DYNC2H1: variants seen among roughly 807,000 people sequenced by gnomAD.
DYNC2H1 encodes the protein dynein cytoplasmic 2 heavy chain 1.
In DYNC2H1, 410 loss-of-function variants were observed where a neutral mutation model predicts 570.0. The observed-to-expected ratio is 0.72, with a 90% CI of 0.66 to 0.78. The LOEUF is 0.78. Ranked by LOEUF, DYNC2H1 falls within the 30% of genes least tolerant of loss-of-function variation. The probability of loss-of-function intolerance (pLI) is 0.00; values close to 1 mark genes in which losing one functional copy is unlikely to be tolerated. For missense variants in DYNC2H1, 4,865 were observed against 5,046.4 expected (o/e 0.96, Z 1.09); for synonymous variants, 1,688 against 1,677.6 (o/e 1.01, Z -0.15).
rs761719165 is a variant in DYNC2H1 at position 103,222,994 on chromosome 11, A to C, written c.9261A>C (p.Ala3087=). 2 of 1,613,456 alleles carry C rather than the reference A, an allele frequency of 1.2e-6. No homozygotes were observed. The highest frequency in any genetic ancestry group is 1.7e-6 in the Non-Finnish European group (2 of 1,179,592). The stretch of plus-strand genomic sequence containing the variant: ...CTAAGCGTGCCAGTACTGCAGCTGC[A>C]CCTTTGGCTGCCTGGGTGAAAGCCA... ...KNAKRASTAA[A]PLAAWVKANI... is the part of the protein sequence containing the mutation. The change falls in exon 59 of 89, where the codon GCA becomes GCC. Residue 3087 remains alanine, a synonymous_variant. Coordinates refer to ENST00000375735, the MANE Select transcript of DYNC2H1 (RefSeq NM_001377.3).
intron 82 of DYNC2H1, among the ~76,000 whole-genome samples, chr11:103,342,466 G>T (rs561479621): frequency 6.6e-6 from 1 of 151,040 alleles, no homozygotes; most frequent in African/African-American, 2.4e-5. Context: ...TTCACTCTTC[G>T]CAATAAATCT....
In DYNC2H1 at chr11:103,341,638, G is replaced by A. The variant is rs140492211; in HGVS notation, c.12040-16605G>A. On this transcript the variant is annotated intron_variant, in intron 82 of 88. Transcript: ENST00000375735. The stretch of plus-strand genomic sequence containing the variant: ...GGAGTATCTGTACTTAGAAGAAACT[G>A]TAAAGAATTGCTAATTTTGGTATCC... Among the ~76,000 whole-genome samples the A allele has an allele frequency of 6.2e-3, 938 of 152,206 alleles. 9 individuals are homozygous for A. Among genetic ancestry groups the A allele is most frequent in the African/African-American group, 0.021 (889 of 41,548 alleles).
At chr11:103,367,962 ATAGCTGAACAGTATTCCATGGTG>A (rs1565532801) in intron 83 of DYNC2H1, among the ~76,000 whole-genome samples, 1 of 151,862 alleles carries the variant, frequency 6.6e-6, no homozygotes, top group African/African-American at 2.4e-5. Context: ...TTTTTTTCCT[ATAGCTGAACAGTATTCCATGGTG>A]TATATATACC....
chr11:103,435,626 A>C (rs1944033935), intron 84 of DYNC2H1, among the ~76,000 whole-genome samples: 1 of 152,040 alleles, frequency 6.6e-6, no homozygotes, highest in Admixed American at 6.6e-5. Context: ...AATCTTTACC[A>C]CTTATAAAAT....
intron 70 of DYNC2H1, among the ~76,000 whole-genome samples, chr11:103,266,348 GGT>G (rs1865504667): frequency 6.6e-6 from 1 of 152,080 alleles, no homozygotes; most frequent in Non-Finnish European, 1.5e-5. Flanking sequence ...CACTGCAGGT[GGT>G]GTTGGCTCAA....
intron 82 of DYNC2H1, among the ~76,000 whole-genome samples, chr11:103,346,205 A>T (rs890071191): frequency 6.6e-6 from 1 of 152,210 alleles, no homozygotes; most frequent in Non-Finnish European, 1.5e-5. Flanking sequence ...GTGGTTACTC[A>T]TATTCAGCAG....
intron 83 of DYNC2H1, among the ~76,000 whole-genome samples, chr11:103,359,064 C>G (rs1940503903): frequency 6.6e-6 from 1 of 152,118 alleles, no homozygotes; most frequent in Admixed American, 6.5e-5. Context: ...GACTCAATTT[C>G]CAGAGTTTGG....
intron 83 of DYNC2H1, among the ~76,000 whole-genome samples, chr11:103,368,943 T>A (rs1474312259): frequency 1.3e-5 from 2 of 152,100 alleles, no homozygotes; most frequent in Admixed American, 1.3e-4. Context: ...CCCTCCCCTC[T>A]ACCAACCCTG....
intron 10 of DYNC2H1, 107 bp from the exon 11 acceptor site, chr11:103,122,718 A>G: frequency 1.1e-6 from 1 of 940,490 alleles, no homozygotes; most frequent in Non-Finnish European, 1.6e-6. Context: ...TTATAGATGA[A>G]AGGTAAAATA....
chr11:103,114,870 G>A (rs1858297428), intron 3 of DYNC2H1, among the ~76,000 whole-genome samples: 1 of 151,874 alleles, frequency 6.6e-6, no homozygotes, highest in African/African-American at 2.4e-5. Context: ...TTTCGGTAAG[G>A]TACATTACAA....
At chr11:103,428,900 G>C (rs2449117) in intron 84 of DYNC2H1, among the ~76,000 whole-genome samples, 84,392 of 151,852 alleles carry the variant, frequency 0.56, 24,078 homozygotes, top group East Asian at 0.72. Flanking sequence ...GATGTGGGTT[G>C]TTTCCACCTT....
chr11:103,323,806 A>G lies in DYNC2H1; in HGVS notation c.11935-80A>G, dbSNP rs530841309. The G allele has an allele frequency of 5.1e-5, 54 of 1,051,046 alleles. No individual in the cohort carries two copies. The African/African-American group carries it at 7.1e-4, about 14-fold the overall frequency. 65.1% of individuals were successfully genotyped at this position (1,051,046 alleles called of 1,614,324 possible). Reference sequence around the variant, plus strand: ...ATACAAATAATAATTGAACATTTCAAAGTATTCTTTCTTATTTCAATGATT... The same window carrying G: ...ATACAAATAATAATTGAACATTTCAGAGTATTCTTTCTTATTTCAATGATT... On this transcript the variant is annotated intron_variant, in intron 81 of 88. Transcript: ENST00000375735.
At chr11:103,416,316 A>C (rs1437657217) in intron 84 of DYNC2H1, among the ~76,000 whole-genome samples, 3 of 152,056 alleles carry the variant, frequency 2.0e-5, no homozygotes, top group African/African-American at 7.2e-5. Context: ...AATTAATAAT[A>C]AAAAAGAAAA....
intron 87 of DYNC2H1, among the ~76,000 whole-genome samples, chr11:103,467,298 A>G (rs1266276525): frequency 2.0e-5 from 3 of 152,184 alleles, no homozygotes; most frequent in Non-Finnish European, 2.9e-5. Flanking sequence ...ACTAACAACA[A>G]AGTTACTTAT....
intron 54 of DYNC2H1, among the ~76,000 whole-genome samples, chr11:103,213,567 A>G (rs689295): frequency 0.85 from 127,976 of 151,438 alleles, 55,300 homozygotes; most frequent in Non-Finnish European, 0.92. Flanking sequence ...TGTAATGATC[A>G]AAGGGTGATT....
At position 103,263,022 on chromosome 11, in the gene DYNC2H1, C is replaced by CAAAA. The variant is rs35912109; in HGVS notation, c.10695+3066_10695+3069dup. 5.0e-3 allele frequency among the ~76,000 whole-genome samples: 201 copies of CAAAA among 39,930 alleles called. 1 individual carries two copies. Among genetic ancestry groups the CAAAA allele is most frequent in the East Asian group, 8.6e-3 (10 of 1,166 alleles). The allele number at this position is 39,930 out of a possible 152,430, so 26.2% of individuals were successfully genotyped here. ...GAATATTTACCAAGCAAATGGAAAG[C>CAAAA]AAAAAAAAAAAAAAAAAAAAAAAAG... On this transcript the variant is annotated intron_variant, in intron 70 of 88. Coordinates refer to ENST00000375735, the MANE Select transcript of DYNC2H1 (RefSeq NM_001377.3).
In DYNC2H1 at chr11:103,439,497, T is replaced by G. The variant is rs1253416049; in HGVS notation, c.12456+3465T>G. Among the ~76,000 whole-genome samples the G allele has an allele frequency of 1.3e-5, 2 of 152,122 alleles. No individual in the cohort carries two copies. Among genetic ancestry groups the G allele is most frequent in the Non-Finnish European group, 2.9e-5 (2 of 68,016 alleles). ...TATATTTTATCCTAAGGACAAAAGG[T>G]AACCATTGCAGCATTTTAAGAAGGA... On this transcript the variant is annotated intron_variant, in intron 85 of 88. Coordinates refer to ENST00000375735, the MANE Select transcript of DYNC2H1 (RefSeq NM_001377.3). This position sits in a 1 kb window ranked among gnomAD's most constrained non-coding sequence, Gnocchi z 4.1.
rs1861832362 is a variant in DYNC2H1 at position 103,181,070 on chromosome 11, T to A, written c.6348-687T>A. Among the ~76,000 whole-genome samples the A allele has an allele frequency of 6.6e-6, 1 of 151,556 alleles. No individual in the cohort carries two copies. Among genetic ancestry groups the A allele is most frequent in the Non-Finnish European group, 1.5e-5 (1 of 67,624 alleles). ...ATAAGGTATAATTTTGAATAAGATG[T>A]GAATCTCTATTATTTCACCAATTGG... On this transcript the variant is annotated intron_variant, in intron 39 of 88. Coordinates refer to ENST00000375735, the MANE Select transcript of DYNC2H1 (RefSeq NM_001377.3). The surrounding 1 kb of genome is among the most constrained non-coding windows in gnomAD (Gnocchi z 5.0).
intron 26 of DYNC2H1, among the ~76,000 whole-genome samples, chr11:103,156,993 T>C (rs1408929119): frequency 1.3e-5 from 2 of 152,226 alleles, no homozygotes; most frequent in Non-Finnish European, 2.9e-5. Context: ...TACCTAATAA[T>C]ACATACTTCA....
Sources: allele counts gnomAD v4.1 joint callset (sites outside exome capture counted in the v4.1 genomes callset), GRCh38; gene constraint gnomAD v4.1.1; non-coding constraint Gnocchi (gnomAD v3.1); transcripts MANE v1.5; gene names NCBI Gene and HGNC (gene_info 2026-07-23, HGNC 2026-07-21).